COL21A1: variants seen among roughly 807,000 people sequenced by gnomAD.
COL21A1 encodes the protein collagen type XXI alpha 1 chain.
COL21A1 carries 149 observed loss-of-function variants against 137.9 expected under a neutral mutation model. The ratio of observed to expected loss-of-function variants is 1.08; its 90% confidence interval spans 0.95 to 1.24. The LOEUF (loss-of-function observed/expected upper bound fraction) is 1.24. Ranked by LOEUF, COL21A1 falls within the 50% of genes most tolerant of loss-of-function variation. The pLI is 0.00. For synonymous variants in COL21A1, 456 were observed against 391.5 expected, an observed-to-expected ratio of 1.16 and a Z score of -1.95; for missense variants, 1,167 against 1,158.4, an observed-to-expected ratio of 1.01 and a Z score of -0.11.
intron 1 of COL21A1, among the ~76,000 whole-genome samples, chr6:56,293,731 A>G (rs1407508437): frequency 6.6e-6 from 1 of 152,206 alleles, no homozygotes; most frequent in Non-Finnish European, 1.5e-5. Context: ...TCTAAGAATT[A>G]CTATGAAAAA....
intron 10 of COL21A1, among the ~76,000 whole-genome samples, chr6:56,148,338 C>CAGAGAGAGAGAGAG (rs150898619): frequency 0.049 from 6,458 of 133,146 alleles, 247 homozygotes; most frequent in South Asian, 0.12. Flanking sequence ...AGACAAGAGA[C>CAGAGAGAGAGAGAG]AGAGAGAGAG....
At chr6:56,072,111 T>C (rs1562150421) in intron 20 of COL21A1, among the ~76,000 whole-genome samples, 1 of 151,612 alleles carries the variant, frequency 6.6e-6, no homozygotes, top group Non-Finnish European at 1.5e-5. Context: ...CTGAGGATAA[T>C]GACTTCCAGC....
intron 1 of COL21A1, among the ~76,000 whole-genome samples, chr6:56,216,400 A>G (rs1027474706): frequency 2.0e-5 from 3 of 152,072 alleles, no homozygotes; most frequent in Non-Finnish European, 4.4e-5. Flanking sequence ...CCAAATATAC[A>G]AACAGCAAAA....
Position 56,060,910 on chromosome 6 carries a change from G to A in COL21A1, c.2333C>T (p.Pro778Leu), listed in dbSNP as rs761169667. The A allele has an allele frequency of 1.3e-6, 2 of 1,577,296 alleles. No homozygotes were observed. The highest frequency in any genetic ancestry group is 1.2e-5 in the South Asian group (1 of 85,422). ...QPGDPGPQGPPGLDGKPGREF... is the reference protein window; with the variant it reads ...QPGDPGPQGPLGLDGKPGREF... ...ACATACGGGCTTCCCATCCAAACCT[G>A]GGGGTCCCTGAGGACCTGGATCCCC... is the stretch of plus-strand genomic sequence containing the variant. The change falls in exon 26 of 30, where the codon CCA becomes CTA. Residue 778 changes from proline to leucine, a missense_variant. By Grantham distance (98) the Pro-to-Leu change is moderately conservative. Coordinates refer to ENST00000244728, the MANE Select transcript of COL21A1 (RefSeq NM_030820.4).
chr6:56,383,913 G>A (rs1248883012), intron 1 of COL21A1, among the ~76,000 whole-genome samples: 1 of 152,140 alleles, frequency 6.6e-6, no homozygotes, highest in Admixed American at 6.5e-5. Flanking sequence ...ATAGCTCGAG[G>A]CTTTCATCCA....
intron 1 of COL21A1, among the ~76,000 whole-genome samples, chr6:56,364,114 C>G (rs186654721): frequency 6.6e-6 from 1 of 151,796 alleles, no homozygotes; most frequent in Non-Finnish European, 1.5e-5. Flanking sequence ...ACATCTTTGA[C>G]GGAGTGTGTG....
At chr6:56,107,518 G>A (rs141343847) in intron 16 of COL21A1, among the ~76,000 whole-genome samples, 1 of 151,976 alleles carries the variant, frequency 6.6e-6, no homozygotes, top group Non-Finnish European at 1.5e-5. Context: ...GACTTTAAAT[G>A]CAAAATTGTT....
chr6:56,270,948 T>C (rs1264710185), intron 1 of COL21A1, among the ~76,000 whole-genome samples: 2 of 152,222 alleles, frequency 1.3e-5, no homozygotes, highest in Non-Finnish European at 2.9e-5. Context: ...TCTCAGGTGG[T>C]ATTCTTCACA....
intron 1 of COL21A1, among the ~76,000 whole-genome samples, chr6:56,243,181 C>CT (rs964993713): frequency 6.6e-6 from 1 of 151,688 alleles, no homozygotes; most frequent in African/African-American, 2.4e-5. Flanking sequence ...CAGGGACTCT[C>CT]TTTATAAATG....
At chr6:56,189,962 G>T (rs1397883057) in intron 1 of COL21A1, among the ~76,000 whole-genome samples, 1 of 152,146 alleles carries the variant, frequency 6.6e-6, no homozygotes, top group African/African-American at 2.4e-5. Context: ...AAGAGCTCCT[G>T]AAGGAAGCAC....
At chr6:56,322,939 GT>G (rs927200543) in intron 1 of COL21A1, among the ~76,000 whole-genome samples, 7 of 145,978 alleles carry the variant, frequency 4.8e-5, no homozygotes, top group South Asian at 2.2e-4. Context: ...AAATTTTCAA[GT>G]TTTTTTTATT....
At chr6:56,106,804 T>C (rs1409824732) in intron 16 of COL21A1, among the ~76,000 whole-genome samples, 1 of 152,108 alleles carries the variant, frequency 6.6e-6, no homozygotes, top group African/African-American at 2.4e-5. Context: ...TTTTTTTTTT[T>C]GAGACAGAGT....
intron 1 of COL21A1, among the ~76,000 whole-genome samples, chr6:56,359,375 T>A (rs1327345581): frequency 1.1e-4 from 16 of 152,300 alleles, no homozygotes; most frequent in African/African-American, 3.8e-4. Context: ...AAATGAACTA[T>A]GACTAAAACA....
chr6:56,341,208 G>A (rs913517655), intron 1 of COL21A1, among the ~76,000 whole-genome samples: 10 of 151,916 alleles, frequency 6.6e-5, no homozygotes, highest in African/African-American at 1.4e-4. Flanking sequence ...AAAGAATATC[G>A]GTATATAAGG....
chr6:56,314,393 T>C lies in COL21A1; in HGVS notation c.-39+79578A>G, dbSNP rs561396222. Among the ~76,000 whole-genome samples the C allele has an allele frequency of 3.3e-5, 5 of 152,328 alleles. No homozygotes were observed. The South Asian group carries it at 1.0e-3, about 32-fold the overall frequency. Reference sequence around the variant, plus strand: ...TTTTCCTGTTGGAGATGTCACACTTTTTTTCTTGATAACAGCCTGGACCTT... The same window carrying C: ...TTTTCCTGTTGGAGATGTCACACTTCTTTTCTTGATAACAGCCTGGACCTT... On this transcript the variant is annotated intron_variant, in intron 1 of 28. Coordinates refer to the COL21A1 transcript ENST00000370819.
chr6:56,142,071 A>T lies in COL21A1; in HGVS notation c.1435-88T>A, dbSNP rs1774459529. 7 of 955,214 alleles carry T rather than the reference A, an allele frequency of 7.3e-6. No individual in the cohort carries two copies. The Admixed American group carries it at 1.9e-4, about 26-fold the overall frequency. 59.2% of individuals were successfully genotyped at this position (955,214 alleles called of 1,614,324 possible). ...CGTTTCAGAATTCACTCTTATCTCA[A>T]GTTTCTCATGCCTAAAACTTCACTT... On this transcript the variant is annotated intron_variant, in intron 10 of 29. Transcript: ENST00000244728.
At chr6:56,137,987 TAGGGAGGGC>T (rs1774123489) in intron 12 of COL21A1, among the ~76,000 whole-genome samples, 1 of 152,168 alleles carries the variant, frequency 6.6e-6, no homozygotes. Context: ...AGAGAATATT[TAGGGAGGGC>T]AAAGCTAGTG....
At chr6:56,216,164 A>G (rs554794330) in intron 1 of COL21A1, among the ~76,000 whole-genome samples, 1 of 152,214 alleles carries the variant, frequency 6.6e-6, no homozygotes, top group South Asian at 2.1e-4. Context: ...CAGTGGAATG[A>G]CTGGCTAGGA....
At chr6:56,273,293 C>T (rs1763569064) in intron 1 of COL21A1, among the ~76,000 whole-genome samples, 1 of 152,098 alleles carries the variant, frequency 6.6e-6, no homozygotes, top group South Asian at 2.1e-4. Context: ...TTAGAAACAT[C>T]TCAAATTAAC....
Sources: gnomAD v4.1 joint callset for allele counts (sites outside exome capture counted in the v4.1 genomes callset) on GRCh38, gnomAD v4.1.1 for gene constraint, MANE v1.5 for transcripts, NCBI Gene and HGNC (gene_info 2026-07-23, HGNC 2026-07-21) for gene names.